SS18: variants seen among roughly 807,000 people sequenced by gnomAD.
The protein encoded by SS18 is SS18 subunit of BAF chromatin remodeling complex, also known as protein SSXT.
Under a neutral mutation model 72.5 loss-of-function variants are expected in SS18, and 28 were observed. The ratio of observed to expected loss-of-function variants is 0.39; its 90% CI spans 0.29 to 0.53. The LOEUF is 0.53. SS18 is among the 20% of genes least tolerant of loss of function. The pLI is 0.76. For synonymous variants in SS18, 172 were observed against 164.2 expected, an observed-to-expected ratio of 1.05 and a Z score of -0.37; for missense variants, 518 against 535.3, an observed-to-expected ratio of 0.97 and a Z score of 0.32.
chr18:26,040,882 C>G (rs1022681369), intron 5 of SS18, among the ~76,000 whole-genome samples: 4 of 151,964 alleles, frequency 2.6e-5, no homozygotes, highest in Non-Finnish European at 4.4e-5. Flanking sequence ...AGAGTAGAGG[C>G]GAAGAGAACT....
chr18:26,052,148 C>G (rs1346689960), intron 5 of SS18, among the ~76,000 whole-genome samples: 1 of 152,142 alleles, frequency 6.6e-6, no homozygotes, highest in Non-Finnish European at 1.5e-5. Flanking sequence ...TGGACTTACA[C>G]CACTCTAAGA....
At chr18:26,090,638 C>G, upstream of SS18, 1 of 1,485,288 alleles carries the variant, frequency 6.7e-7, no homozygotes, top group Non-Finnish European at 9.1e-7. Context: ...GGGAGAGACG[C>G]CGGCCTCTCG....
intron 3 of SS18, among the ~76,000 whole-genome samples, chr18:26,060,404 T>C (rs532270528): frequency 6.6e-6 from 1 of 152,038 alleles, no homozygotes; most frequent in African/African-American, 2.4e-5. Flanking sequence ...AGGGGGAGAA[T>C]TGAGATTGAC....
At chr18:26,090,241 A>G (rs911074567) in intron 1 of SS18, 12 of 519,866 alleles carry the variant, frequency 2.3e-5, no homozygotes, top group Admixed American at 1.6e-4. Context: ...CCATCCCTAG[A>G]GAAATCAGGC....
At chr18:26,031,056 A>T (rs2143829130) in intron 10 of SS18, among the ~76,000 whole-genome samples, 1 of 152,326 alleles carries the variant, frequency 6.6e-6, no homozygotes, top group East Asian at 1.9e-4. Flanking sequence ...ATATTTGTTG[A>T]GTGATGGAAT....
intron 10 of SS18, among the ~76,000 whole-genome samples, chr18:26,029,968 T>C (rs1049033907): frequency 2.6e-5 from 4 of 152,182 alleles, no homozygotes; most frequent in Admixed American, 1.3e-4. Context: ...GGTTGGCAAC[T>C]ACTCAAACAC....
chr18:26,049,885 G>T (rs1194056371), intron 5 of SS18, among the ~76,000 whole-genome samples: 2 of 151,810 alleles, frequency 1.3e-5, no homozygotes, highest in Non-Finnish European at 2.9e-5. Flanking sequence ...CAATAACATG[G>T]GAAAATATAT....
At chr18:26,091,030 T>G, upstream of SS18, 1 of 194,020 alleles carries the variant, frequency 5.2e-6, no homozygotes, top group Non-Finnish European at 1.1e-5. Context: ...CTGAAGCGTC[T>G]CCCCGACTGT....
intron 10 of SS18, among the ~76,000 whole-genome samples, chr18:26,024,249 G>C (rs1470296134): frequency 1.3e-5 from 2 of 152,172 alleles, no homozygotes; most frequent in Non-Finnish European, 2.9e-5. Context: ...TAGTTAAAGG[G>C]GAATGAGGAG....
intron 2 of SS18, among the ~76,000 whole-genome samples, chr18:26,080,647 T>G (rs1167440403): frequency 6.6e-6 from 1 of 152,234 alleles, no homozygotes; most frequent in Admixed American, 6.5e-5. Flanking sequence ...AACTGTCAAA[T>G]CTTTTCAATT....
intron 3 of SS18, among the ~76,000 whole-genome samples, chr18:26,061,665 AAAAG>A (rs2054126653): frequency 6.6e-6 from 1 of 151,820 alleles, no homozygotes; most frequent in African/African-American, 2.4e-5. Flanking sequence ...AGACAAAAAA[AAAAG>A]AAAATCAACC....
intron 5 of SS18, among the ~76,000 whole-genome samples, chr18:26,039,690 T>C (rs1458857181): frequency 6.6e-6 from 1 of 152,228 alleles, no homozygotes; most frequent in Non-Finnish European, 1.5e-5. Flanking sequence ...CACTGGAAGA[T>C]GATTCTTAGT....
At chr18:26,025,345 T>C (rs965532551) in intron 10 of SS18, among the ~76,000 whole-genome samples, 12 of 151,796 alleles carry the variant, frequency 7.9e-5, no homozygotes, top group Non-Finnish European at 1.2e-4. Flanking sequence ...AAAACCCAAG[T>C]AAGCAGAAAA....
intron 10 of SS18, among the ~76,000 whole-genome samples, chr18:26,030,622 T>C (rs1287552167): frequency 1.3e-5 from 2 of 152,114 alleles, no homozygotes; most frequent in Non-Finnish European, 2.9e-5. Context: ...GATTTGGAAA[T>C]ATATTGACTT....
chr18:26,049,010 C>T (rs563794891), intron 5 of SS18, among the ~76,000 whole-genome samples: 1 of 152,190 alleles, frequency 6.6e-6, no homozygotes, highest in Admixed American at 6.5e-5. Context: ...GTCAAAGGTC[C>T]CACATACAGT....
chr18:26,033,017 A>G (rs1053982614), intron 9 of SS18, among the ~76,000 whole-genome samples: 10 of 152,354 alleles, frequency 6.6e-5, no homozygotes, highest in African/African-American at 2.4e-4. Flanking sequence ...TGTCTATACT[A>G]TGCATTGACA....
chr18:26,016,670 C>T lies in SS18; in HGVS notation c.*1684G>A. ...CCTGGGAGGCGGAGGTTGCAGTGAG[C>T]TGAGATTGCGCCACTGCACTCCAGC... On this transcript the variant is annotated 3_prime_UTR_variant, in exon 11 of 11. Transcript: ENST00000415083. The T allele has an allele frequency of 5.2e-6, 1 of 193,588 alleles. No individual in the cohort carries two copies. Among genetic ancestry groups the T allele is most frequent in the Non-Finnish European group, 1.1e-5 (1 of 92,866 alleles). 12.0% of individuals were successfully genotyped at this position (193,588 alleles called of 1,614,324 possible).
chr18:26,073,347 A>G (rs1176157135), intron 3 of SS18, among the ~76,000 whole-genome samples: 5 of 152,230 alleles, frequency 3.3e-5, no homozygotes, highest in Non-Finnish European at 5.9e-5. Context: ...CATCCTTAGA[A>G]AGGTGAAAAT....
rs546133242 is a variant in SS18, at chr18:26,055,843, C to T, written c.385+1746G>A. 2.5e-3 allele frequency among the ~76,000 whole-genome samples: 372 copies of T among 150,878 alleles called. 1 individual carries two copies. The highest frequency in any genetic ancestry group is 0.01 in the Middle Eastern group (3 of 290). ...CGTGATTTCGGCTCACTGCAACCTC[C>T]GCCTCCTGGGTTCAAGTGATTCTCC... is the stretch of plus-strand genomic sequence containing the variant. On this transcript the variant is annotated intron_variant, in intron 4 of 10. Coordinates refer to ENST00000415083, the MANE Select transcript of SS18 (RefSeq NM_001007559.3).
Sources: allele counts gnomAD v4.1 joint callset (sites outside exome capture counted in the v4.1 genomes callset), GRCh38; gene constraint gnomAD v4.1.1; transcripts MANE v1.5; gene names NCBI Gene and HGNC (gene_info 2026-07-23, HGNC 2026-07-21).